The following OPRM1 variants were observed in gnomAD, a reference collection of about 807,000 sequenced individuals.
The protein encoded by OPRM1 is mu-type opioid receptor.
A neutral mutation model predicts 31.8 loss-of-function variants in OPRM1; 27 were observed. The ratio of observed to expected loss-of-function variants is 0.85; its 90% confidence interval spans 0.63 to 1.17. OPRM1 has a LOEUF of 1.17. Ranked by LOEUF, OPRM1 falls within the 50% of genes most tolerant of loss-of-function variation. OPRM1 has a pLI of 0.00. For synonymous variants in OPRM1, 196 were observed against 189.9 expected (o/e 1.03, Z -0.26); for missense variants, 536 against 511.1 (o/e 1.05, Z -0.47).
intron 3 of OPRM1, among the ~76,000 whole-genome samples, chr6:154,186,674 A>G (rs1318330390): frequency 6.6e-6 from 1 of 151,758 alleles, no homozygotes; most frequent in African/African-American, 2.4e-5. Flanking sequence ...CTCCTGCCTC[A>G]GCCTCCCGAG....
chr6:154,032,994 A>G (rs1779096927), intron 1 of OPRM1, among the ~76,000 whole-genome samples: 1 of 152,244 alleles, frequency 6.6e-6, no homozygotes, highest in East Asian at 1.9e-4. Context: ...TGGATCTATC[A>G]GTATATAGGT....
At chr6:154,222,050 T>C (rs1778907578) in intron 3 of OPRM1, among the ~76,000 whole-genome samples, 1 of 152,202 alleles carries the variant, frequency 6.6e-6, no homozygotes, top group South Asian at 2.1e-4. Flanking sequence ...CAATCAAATA[T>C]ACAGAAGAAT....
At chr6:154,194,545 A>C (rs1398873537) in intron 3 of OPRM1, among the ~76,000 whole-genome samples, 1 of 152,108 alleles carries the variant, frequency 6.6e-6, no homozygotes, top group Non-Finnish European at 1.5e-5. Context: ...TACTTCTTTC[A>C]AACTGTCATC....
Position 154,230,872 on chromosome 6 carries a change from G to GA in OPRM1, c.1165-15812dup, listed in dbSNP as rs564167061. ...GTCTTAAATAGAATCTTGAATTCAAGAAAAAAAAACAGCTAAAAAAATTTC... is the reference window on the plus strand; with the variant it reads ...GTCTTAAATAGAATCTTGAATTCAAGAAAAAAAAAACAGCTAAAAAAATTTC... On this transcript the variant is annotated intron_variant, in intron 3 of 3. Coordinates refer to the OPRM1 transcript ENST00000337049. Among the ~76,000 whole-genome samples the GA allele has an allele frequency of 1.3e-4, 19 of 149,378 alleles. No homozygotes were observed. In the East Asian group the frequency reaches 1.4e-3, roughly 11 times the overall value.
At chr6:154,169,715 A>G (rs1464159210) in intron 3 of OPRM1, among the ~76,000 whole-genome samples, 1 of 152,160 alleles carries the variant, frequency 6.6e-6, no homozygotes, top group Non-Finnish European at 1.5e-5. Context: ...GATTGCAGTG[A>G]AGCCACTCCA....
At chr6:154,054,166 G>A (rs977472636) in intron 1 of OPRM1, among the ~76,000 whole-genome samples, 4 of 151,812 alleles carry the variant, frequency 2.6e-5, no homozygotes, top group African/African-American at 9.7e-5. Flanking sequence ...TCAGGAGATC[G>A]AGACCATCCT....
intron 3 of OPRM1, among the ~76,000 whole-genome samples, chr6:154,215,022 T>C (rs1778273856): frequency 1.3e-5 from 2 of 152,330 alleles, no homozygotes; most frequent in Admixed American, 1.3e-4. Context: ...CTATGACATA[T>C]ACTCCTAACT....
chr6:154,029,375 C>A (rs1280583488), intron 1 of OPRM1, among the ~76,000 whole-genome samples: 1 of 152,114 alleles, frequency 6.6e-6, no homozygotes, highest in African/African-American at 2.4e-5. Flanking sequence ...CTTGCTGGTT[C>A]AGGACAAATC....
At chr6:154,169,857 C>A (rs1252885142) in intron 3 of OPRM1, among the ~76,000 whole-genome samples, 4 of 152,202 alleles carry the variant, frequency 2.6e-5, no homozygotes. Context: ...AGACTCAGTT[C>A]CAAGACTTTG....
At chr6:154,221,428 TGC>T in intron 3 of OPRM1, 1 of 865,838 alleles carries the variant, frequency 1.2e-6, no homozygotes, top group Non-Finnish European at 1.8e-6. Context: ...TAAACTTGTC[TGC>T]TTTCTTTGTA....
At chr6:154,035,414 A>G (rs1210118754), upstream of OPRM1, among the ~76,000 whole-genome samples, 1 of 152,168 alleles carries the variant, frequency 6.6e-6, no homozygotes, top group Non-Finnish European at 1.5e-5. Context: ...ATCACAATGC[A>G]TTTGCATTCT....
rs199643966 is a variant in OPRM1, at chr6:154,084,401, T to TC, written c.291-5417dup. Among the ~76,000 whole-genome samples, 827 of 147,184 alleles carry TC rather than the reference T, an allele frequency of 5.6e-3. 3 individuals carry two copies. The highest frequency in any genetic ancestry group is 8.1e-3 in the Non-Finnish European group (540 of 66,724). On this transcript the variant is annotated intron_variant, in intron 1 of 3. Coordinates refer to ENST00000330432, the MANE Select transcript of OPRM1 (RefSeq NM_000914.5). ...TTATGCTTTTTCTTATTTTAGAACC[T>TC]CCCCCCCCAACAGACAGACAGACAC...
chr6:154,149,516 G>A (rs1798440657), intron 3 of OPRM1, among the ~76,000 whole-genome samples: 1 of 152,014 alleles, frequency 6.6e-6, no homozygotes, highest in Non-Finnish European at 1.5e-5. Context: ...CCTCTTGAGG[G>A]TTAGGTCTCA....
intron 3 of OPRM1, chr6:154,093,400 GA>G: frequency 6.2e-7 from 1 of 1,614,134 alleles, no homozygotes; most frequent in African/African-American, 1.3e-5. Flanking sequence ...TGCCTTCGTG[GA>G]AATACTGCTC....
At position 154,107,523 on chromosome 6, in the gene OPRM1, A is replaced by G. The variant is rs1295697088; in HGVS notation, c.1165-11160A>G. 7 of 718,616 alleles carry G rather than the reference A, an allele frequency of 9.7e-6. 1 individual carries two copies. The South Asian group carries it at 1.0e-4, about 11-fold the overall frequency. 44.5% of individuals were successfully genotyped at this position (718,616 alleles called of 1,614,324 possible). A position where few individuals can be genotyped will look rare whatever the true frequency, so the allele number is the denominator to read the frequency against. ...GCAAAGCCTTGGCCACTGAGCTACAATGCAGGGCAGTCTCCATTTCCCTTC... is the reference window on the plus strand; with the variant it reads ...GCAAAGCCTTGGCCACTGAGCTACAGTGCAGGGCAGTCTCCATTTCCCTTC... On this transcript the variant is annotated intron_variant, in intron 3 of 3. Transcript: ENST00000330432.
intron 1 of OPRM1, among the ~76,000 whole-genome samples, chr6:154,070,228 C>T (rs1428592782): frequency 1.3e-5 from 2 of 152,246 alleles, no homozygotes; most frequent in East Asian, 1.9e-4. Context: ...CCACCAGGCT[C>T]GTGTGGGAGA....
In OPRM1 at chr6:154,126,426, C is replaced by T. The variant is rs1797590103; in HGVS notation, c.*7705C>T. Among the ~76,000 whole-genome samples the T allele has an allele frequency of 6.6e-6, 1 of 152,188 alleles. No individual in the cohort carries two copies. The highest frequency in any genetic ancestry group is 1.5e-5 in the Non-Finnish European group (1 of 68,040). Reference sequence around the variant, plus strand: ...GACAAAGAAATTCTGGGAAGGAGAACAACAATTATATTCCCCCATTTCAAG... The same window carrying T: ...GACAAAGAAATTCTGGGAAGGAGAATAACAATTATATTCCCCCATTTCAAG... On this transcript the variant is annotated 3_prime_UTR_variant, in exon 4 of 4. Coordinates refer to ENST00000330432, the MANE Select transcript of OPRM1 (RefSeq NM_000914.5).
chr6:154,223,306 G>A (rs1008047235), intron 3 of OPRM1: 3 of 1,229,154 alleles, frequency 2.4e-6, no homozygotes, highest in African/African-American at 1.5e-5. Context: ...AGTGCATTGA[G>A]ATCATATACA....
At chr6:154,088,669 C>T (rs894581742) in intron 1 of OPRM1, among the ~76,000 whole-genome samples, 3 of 152,184 alleles carry the variant, frequency 2.0e-5, no homozygotes, top group African/African-American at 7.2e-5. Context: ...AAATTGTATA[C>T]TTTAATTATG....
Sources: allele counts gnomAD v4.1 joint callset (sites outside exome capture counted in the v4.1 genomes callset), GRCh38; gene constraint gnomAD v4.1.1; transcripts MANE v1.5; gene names NCBI Gene and HGNC (gene_info 2026-07-23, HGNC 2026-07-21).